The following CALN1 variants were observed in gnomAD, a reference collection of about 807,000 sequenced individuals.
CALN1 encodes calcium-binding protein 8.
CALN1 carries 17 observed loss-of-function variants against 30.6 expected under a neutral mutation model. That is an observed-to-expected ratio of 0.56 (90% confidence interval 0.38 to 0.83). The LOEUF (loss-of-function observed/expected upper bound fraction) is 0.83, where lower values mean the gene tolerates loss of function less well. Ranked by LOEUF, CALN1 falls within the 40% of genes least tolerant of loss-of-function variation. CALN1 has a pLI of 0.00. For missense variants in CALN1, 291 were observed against 354.9 expected (o/e 0.82, Z 1.45); for synonymous variants, 156 against 131.4 (o/e 1.19, Z -1.28).
intron 4 of CALN1, among the ~76,000 whole-genome samples, chr7:72,027,061 C>T (rs1036708750): frequency 6.6e-6 from 1 of 152,152 alleles, no homozygotes; most frequent in African/African-American, 2.4e-5. Context: ...GTGAAAATGG[C>T]TTCTTAGGGA....
the CALN1 span, among the ~76,000 whole-genome samples, chr7:72,462,779 G>A: frequency 6.6e-6 from 1 of 152,164 alleles, no homozygotes; most frequent in African/African-American, 2.4e-5. Context: ...TTACACATGG[G>A]TTACACCCCT....
At chr7:72,354,577 T>C (rs1803115603) in intron 2 of CALN1, among the ~76,000 whole-genome samples, 1 of 152,204 alleles carries the variant, frequency 6.6e-6, no homozygotes, top group African/African-American at 2.4e-5. Flanking sequence ...GAGTGTGGTT[T>C]TGGCACAAGG....
rs979393675 is a variant in CALN1 at position 72,412,246 on chromosome 7, A to C, written c.-262T>G. On this transcript the variant is annotated 5_prime_UTR_variant, in exon 1 of 7. Coordinates refer to ENST00000395275, the MANE Select transcript of CALN1 (RefSeq NM_031468.4). ...CGCAGACCGCGGCCGTGAGCTTTAA[A>C]GGTGGCGCGGACCCAGAGTAAGCAG... 2.0e-5 allele frequency: 3 copies of C among 152,260 alleles called. No homozygotes were observed. The highest frequency in any genetic ancestry group is 7.2e-5 in the African/African-American group (3 of 41,460). 9.4% of individuals were successfully genotyped at this position (152,260 alleles called of 1,614,324 possible).
chr7:72,043,660 A>T (rs4717625), intron 4 of CALN1, among the ~76,000 whole-genome samples: 1 of 151,874 alleles, frequency 6.6e-6, no homozygotes, highest in Non-Finnish European at 1.5e-5. Context: ...GGTCCCAGCC[A>T]CTCTGGAGGT....
At chr7:71,850,670 C>T (rs1584368412) in intron 5 of CALN1, among the ~76,000 whole-genome samples, 1 of 152,116 alleles carries the variant, frequency 6.6e-6, no homozygotes, top group Admixed American at 6.5e-5. Context: ...ATAACAGTGG[C>T]TAGTTAGCTC....
chr7:72,330,778 G>A (rs980692500), intron 2 of CALN1, among the ~76,000 whole-genome samples: 4 of 152,016 alleles, frequency 2.6e-5, no homozygotes, highest in African/African-American at 7.3e-5. Flanking sequence ...CCTTAATGAG[G>A]CTTTTTAAAA....
intron 5 of CALN1, among the ~76,000 whole-genome samples, chr7:71,847,515 C>CAAAAA (rs1562834918): frequency 6.8e-6 from 1 of 147,672 alleles, no homozygotes; most frequent in African/African-American, 2.5e-5. Flanking sequence ...AAAACCAAAA[C>CAAAAA]CAAAAACAAA....
chr7:72,382,458 G>C (rs1804960716), intron 2 of CALN1, among the ~76,000 whole-genome samples: 1 of 152,136 alleles, frequency 6.6e-6, no homozygotes, highest in Non-Finnish European at 1.5e-5. Context: ...TATTAGAATT[G>C]CATTTTTTTA....
intron 5 of CALN1, among the ~76,000 whole-genome samples, chr7:71,824,470 C>T (rs1192189289): frequency 1.3e-5 from 2 of 152,068 alleles, no homozygotes; most frequent in Non-Finnish European, 2.9e-5. Context: ...TCTGAATTCC[C>T]GATAAGATGA....
At position 72,304,312 on chromosome 7, in the gene CALN1, T is replaced by A. The variant is rs535273955; in HGVS notation, c.120-25502A>T. ...TCTTTCAAAGGAGAGGATGGAGAGA[T>A]CCCATTTCAAGTGGATGCTCAAAAC... On this transcript the variant is annotated intron_variant, in intron 2 of 6. Transcript: ENST00000395275. 2.6e-5 allele frequency among the ~76,000 whole-genome samples: 4 copies of A among 152,192 alleles called. No homozygotes were observed. In the South Asian group the frequency reaches 8.3e-4, roughly 32 times the overall value.
At chr7:72,244,245 T>C (rs1180933163) in intron 3 of CALN1, among the ~76,000 whole-genome samples, 1 of 152,150 alleles carries the variant, frequency 6.6e-6, no homozygotes, top group Non-Finnish European at 1.5e-5. Flanking sequence ...ATAGCAGATG[T>C]TCAGGAAACC....
chr7:72,028,990 C>T (rs1243548167), intron 4 of CALN1, among the ~76,000 whole-genome samples: 1 of 152,078 alleles, frequency 6.6e-6, no homozygotes, highest in African/African-American at 2.4e-5. Flanking sequence ...GACTCCATCT[C>T]AAATATATAC....
intron 2 of CALN1, among the ~76,000 whole-genome samples, chr7:72,352,163 T>C (rs1039072578): frequency 2.1e-5 from 3 of 144,464 alleles, no homozygotes; most frequent in Non-Finnish European, 4.5e-5. Flanking sequence ...CGAGACTCCG[T>C]CTCAAAACAA....
intron 3 of CALN1, among the ~76,000 whole-genome samples, chr7:72,271,100 T>C (rs1006008057): frequency 1.8e-4 from 28 of 152,192 alleles, no homozygotes; most frequent in African/African-American, 6.8e-4. Context: ...TATAATTTCC[T>C]GGGAAAAATC....
chr7:72,357,810 T>TTATATATTTA (rs1197712204), intron 2 of CALN1, among the ~76,000 whole-genome samples: 110 of 147,668 alleles, frequency 7.4e-4, no homozygotes, highest in African/African-American at 2.5e-3. Context: ...AACTTTTATT[T>TTATATATTTA]TATATATTTA....
intron 3 of CALN1, among the ~76,000 whole-genome samples, chr7:72,115,866 T>C (rs2129541865): frequency 6.6e-6 from 1 of 152,160 alleles, no homozygotes; most frequent in African/African-American, 2.4e-5. Context: ...CTACTCTCTA[T>C]TTTCATGAGA....
chr7:72,234,443 T>C (rs542426330), intron 3 of CALN1, among the ~76,000 whole-genome samples: 1 of 152,132 alleles, frequency 6.6e-6, no homozygotes, highest in African/African-American at 2.4e-5. Flanking sequence ...TTTTTTGTTT[T>C]GTTTTGTTTT....
At chr7:72,330,525 T>C (rs1024512195) in intron 2 of CALN1, among the ~76,000 whole-genome samples, 1 of 151,346 alleles carries the variant, frequency 6.6e-6, no homozygotes, top group African/African-American at 2.4e-5. Flanking sequence ...TCTGAAGCAG[T>C]GCTTGCATCT....
intron 2 of CALN1, among the ~76,000 whole-genome samples, chr7:72,370,884 A>T (rs1804196245): frequency 1.3e-5 from 2 of 151,808 alleles, no homozygotes; most frequent in Non-Finnish European, 2.9e-5. Flanking sequence ...CATCTCTACT[A>T]AAAATACAAA....
Sources: gnomAD v4.1 joint callset for allele counts (sites outside exome capture counted in the v4.1 genomes callset) on GRCh38, gnomAD v4.1.1 for gene constraint, MANE v1.5 for transcripts, NCBI Gene and HGNC (gene_info 2026-07-23, HGNC 2026-07-21) for gene names.